LYZL2: variants seen among roughly 807,000 people sequenced by gnomAD.
LYZL2 encodes lysozyme like 2, also known as lysozyme-like protein 2.
In LYZL2, 13 loss-of-function variants were observed where a neutral mutation model predicts 17.1. The observed-to-expected ratio is 0.76, with a 90% CI of 0.49 to 1.21. LYZL2 has a LOEUF of 1.21. Ranked by LOEUF, LYZL2 falls within the 50% of genes most tolerant of loss-of-function variation. The pLI is 0.00. For synonymous variants in LYZL2, 63 were observed against 74.4 expected, an observed-to-expected ratio of 0.85 and a Z score of 0.79; for missense variants, 166 against 189.2, an observed-to-expected ratio of 0.88 and a Z score of 0.72.
downstream of LYZL2, among the ~76,000 whole-genome samples, chr10:30,611,255 C>T (rs537623599): frequency 1.3e-4 from 19 of 151,938 alleles, no homozygotes; most frequent in Non-Finnish European, 2.2e-4. Context: ...GGTGCGATGG[C>T]TCACACCTGT....
intron 1 of LYZL2, among the ~76,000 whole-genome samples, chr10:30,627,336 G>A (rs1413225126): frequency 6.6e-6 from 1 of 151,480 alleles, no homozygotes; most frequent in Non-Finnish European, 1.5e-5. Context: ...AACTGCGTGG[G>A]TCCATTTATC....
At chr10:30,611,662 A>G, downstream of LYZL2, 1 of 325,786 alleles carries the variant, frequency 3.1e-6, no homozygotes, top group Non-Finnish European at 5.4e-6. Flanking sequence ...AGAAAGGAAG[A>G]GAAAGAGAGA....
chr10:30,622,224 GA>G (rs1006178586), intron 3 of LYZL2, among the ~76,000 whole-genome samples: 4 of 152,196 alleles, frequency 2.6e-5, no homozygotes, highest in African/African-American at 9.6e-5. Flanking sequence ...GGCACAAACA[GA>G]AAACAAAATA....
At chr10:30,624,718 G>C (rs1223636459) in intron 3 of LYZL2, among the ~76,000 whole-genome samples, 1 of 152,200 alleles carries the variant, frequency 6.6e-6, no homozygotes, top group Admixed American at 6.5e-5. Context: ...GACAGAGTCT[G>C]GCTGTAGGGT....
intron 3 of LYZL2, among the ~76,000 whole-genome samples, chr10:30,621,601 A>G (rs114496239): frequency 1.3e-5 from 2 of 152,170 alleles, no homozygotes; most frequent in Non-Finnish European, 2.9e-5. Context: ...AACAACAACA[A>G]TAACAACTTG....
At chr10:30,617,744 A>T (rs1335825378) in intron 3 of LYZL2, among the ~76,000 whole-genome samples, 1 of 151,726 alleles carries the variant, frequency 6.6e-6, no homozygotes, top group African/African-American at 2.4e-5. Flanking sequence ...AACTGGAAGC[A>T]TTCCCTTTGA....
rs1054558 is a variant in LYZL2 at position 30,611,997 on chromosome 10, C to T, written c.405G>A (p.Gly135=). Residue 135 remains glycine, a synonymous_variant, in exon 5 of 5, where the codon GGG becomes GGA. Coordinates refer to ENST00000647634, the MANE Select transcript of LYZL2 (RefSeq NM_183058.3). ...YWQGWKKHCE[G]RDLSDWKKDC... is the part of the protein sequence containing the mutation. The stretch of plus-strand genomic sequence containing the variant: ...CTTTTTTCCAGTCGGACAGGTCTCT[C>T]CCCTCACAGTGTTTCTTCCAGCCTT... The T allele has an allele frequency of 1.1e-4, 172 of 1,614,150 alleles. No individual in the cohort carries two copies. The African/African-American group carries it at 1.1e-3, about 10-fold the overall frequency.
At chr10:30,629,432 T>A (rs1262337054) in intron 1 of LYZL2, among the ~76,000 whole-genome samples, 161 bp downstream of exon 1, 3 of 151,126 alleles carry the variant, frequency 2.0e-5, no homozygotes, top group African/African-American at 2.4e-5. Context: ...CAAATAAGGT[T>A]GGTTTCCATC....
At chr10:30,611,758 GAAAGAGA>G, downstream of LYZL2, 1 of 738,128 alleles carries the variant, frequency 1.4e-6, no homozygotes, top group Non-Finnish European at 2.0e-6. Flanking sequence ...AGAAAGGAAA[GAAAGAGA>G]AAAGGGAACC....
chr10:30,614,790 T>G (rs765143719), intron 3 of LYZL2, among the ~76,000 whole-genome samples: 2 of 152,118 alleles, frequency 1.3e-5, no homozygotes, highest in Non-Finnish European at 2.9e-5. Flanking sequence ...TTAACGAGGT[T>G]TTTATCCTTT....
chr10:30,610,085 A>C (rs546271385), downstream of LYZL2, among the ~76,000 whole-genome samples: 50 of 151,832 alleles, frequency 3.3e-4, 1 homozygote, highest in African/African-American at 1.2e-3. Context: ...CTTAGGCCAC[A>C]AATAAAATAC....
the LYZL2 span, among the ~76,000 whole-genome samples, chr10:30,606,776 G>A: frequency 1.2e-3 from 183 of 152,138 alleles, no homozygotes; most frequent in African/African-American, 4.2e-3. Context: ...TCTATCACCA[G>A]GGACAGAGGA....
Position 30,627,246 on chromosome 10 carries a change from A to G in LYZL2, c.-25-306T>C, listed in dbSNP as rs190719145. On this transcript the variant is annotated intron_variant, in intron 1 of 4. Coordinates refer to ENST00000647634, the MANE Select transcript of LYZL2 (RefSeq NM_183058.3). ...CACAAGGGGCATTTTTAGGATTTCT[A>G]TTTTAATTCTATGAATGAAAAATAG... Among the ~76,000 whole-genome samples, 87 of 152,266 alleles carry G rather than the reference A, an allele frequency of 5.7e-4. 1 individual carries two copies. Among genetic ancestry groups the G allele is most frequent in the African/African-American group, 2.0e-3 (84 of 41,544 alleles).
chr10:30,627,085 C>T (rs991191918), intron 1 of LYZL2, 145 bp from the exon 2 acceptor site: 145 of 1,254,180 alleles, frequency 1.2e-4, no homozygotes, highest in Admixed American at 1.9e-4. Context: ...GGCCACTCTA[C>T]GGTCCAGGGA....
intron 3 of LYZL2, among the ~76,000 whole-genome samples, chr10:30,613,963 GC>G (rs1200678153): frequency 3.9e-5 from 6 of 152,108 alleles, no homozygotes; most frequent in African/African-American, 1.4e-4. Flanking sequence ...TCTGGCTTTG[GC>G]CTCCCAAAGT....
chr10:30,618,078 G>A (rs1053598479), intron 3 of LYZL2, among the ~76,000 whole-genome samples: 9 of 151,232 alleles, frequency 6.0e-5, no homozygotes, highest in Non-Finnish European at 7.4e-5. Flanking sequence ...ATTCACAATT[G>A]CTTCAAAGAG....
downstream of LYZL2, among the ~76,000 whole-genome samples, chr10:30,611,241 G>A (rs1838428370): frequency 6.6e-6 from 1 of 152,070 alleles, no homozygotes; most frequent in South Asian, 2.1e-4. Flanking sequence ...CTGAGTCAGG[G>A]TGGGGTGCGA....
At chr10:30,617,359 T>C (rs1435019364) in intron 3 of LYZL2, among the ~76,000 whole-genome samples, 4 of 152,110 alleles carry the variant, frequency 2.6e-5, no homozygotes, top group African/African-American at 4.8e-5. Flanking sequence ...AAAGTACTCA[T>C]TGGACACAAC....
At chr10:30,621,657 T>G (rs1260533691) in intron 3 of LYZL2, among the ~76,000 whole-genome samples, 1 of 152,072 alleles carries the variant, frequency 6.6e-6, no homozygotes, top group Non-Finnish European at 1.5e-5. Flanking sequence ...GTAAAGAAAA[T>G]ATTCCTCAAA....
Sources: allele counts gnomAD v4.1 joint callset (sites outside exome capture counted in the v4.1 genomes callset), GRCh38; gene constraint gnomAD v4.1.1; transcripts MANE v1.5; gene names NCBI Gene and HGNC (gene_info 2026-07-23, HGNC 2026-07-21).